Variants in NOTCH1 observed in about 807,000 individuals in gnomAD.
NOTCH1 encodes the protein notch receptor 1.
NOTCH1 carries 37 observed loss-of-function variants against 254.8 expected under a neutral mutation model. The ratio of observed to expected loss-of-function variants is 0.15; its 90% CI spans 0.11 to 0.19. NOTCH1 has a LOEUF of 0.19. Among genes scored for constraint, NOTCH1 ranks in the 10% least tolerant of loss-of-function variants. NOTCH1 has a pLI of 1.00. For synonymous variants in NOTCH1, 1,731 were observed against 1,618.1 expected (o/e 1.07, Z -1.68); for missense variants, 2,972 against 3,708.6 (o/e 0.80, Z 5.16).
At chr9:136,520,008 C>A (rs950605654) in intron 4 of NOTCH1, among the ~76,000 whole-genome samples, 2 of 152,130 alleles carry the variant, frequency 1.3e-5, no homozygotes, top group African/African-American at 4.8e-5. Flanking sequence ...GGGTGGGCCC[C>A]TCGCAGCCCC....
chr9:136,544,320 G>A (rs1461836844), intron 1 of NOTCH1, among the ~76,000 whole-genome samples: 1 of 152,186 alleles, frequency 6.6e-6, no homozygotes, highest in Non-Finnish European at 1.5e-5. Flanking sequence ...CCAGAGTTCT[G>A]TAGTCAGAAA....
chr9:136,509,664 G>C (rs1401093326), intron 18 of NOTCH1, 69 bp downstream of exon 18: 2 of 1,442,832 alleles, frequency 1.4e-6, no homozygotes, highest in Non-Finnish European at 9.7e-7. Flanking sequence ...TGGTGTGCCA[G>C]GCTGCCAGCT....
intron 2 of NOTCH1, among the ~76,000 whole-genome samples, chr9:136,528,765 C>T (rs1052495284): frequency 6.6e-5 from 10 of 152,198 alleles, no homozygotes; most frequent in Admixed American, 5.2e-4. Flanking sequence ...CTGCCAATCC[C>T]GGCCCACTGT....
chr9:136,521,227 C>T (rs773993963), intron 4 of NOTCH1, among the ~76,000 whole-genome samples: 1 of 152,106 alleles, frequency 6.6e-6, no homozygotes, highest in Non-Finnish European at 1.5e-5. Flanking sequence ...CACCCTGAAA[C>T]GGCCAGACTC....
At position 136,494,762 on chromosome 9, in the gene NOTCH1, C is replaced by A. The variant is rs1050565772; in HGVS notation, c.*1309G>T. ...TGACGTCCCTCACTGGCATGACACACAACAGACTCATTCATTAAGATTTTT... is the reference window on the plus strand; with the variant it reads ...TGACGTCCCTCACTGGCATGACACAAAACAGACTCATTCATTAAGATTTTT... On this transcript the variant is annotated 3_prime_UTR_variant, in exon 34 of 34. Coordinates refer to ENST00000651671, the MANE Select transcript of NOTCH1 (RefSeq NM_017617.5). 4 of 398,640 alleles carry A rather than the reference C, an allele frequency of 1.0e-5. No individual in the cohort carries two copies. The highest frequency in any genetic ancestry group is 3.5e-5 in the East Asian group (1 of 28,226). The allele number at this position is 398,640 out of a possible 1,614,324, so 24.7% of individuals were successfully genotyped here.
chr9:136,543,886 A>G (rs1399638115), intron 2 of NOTCH1, 138 bp downstream of exon 2: 2 of 826,856 alleles, frequency 2.4e-6, no homozygotes, highest in Non-Finnish European at 4.1e-6. Flanking sequence ...TTGTCCAATA[A>G]AAGTCAGCAC....
intron 1 of NOTCH1, among the ~76,000 whole-genome samples, 178 bp from the exon 2 acceptor site, chr9:136,544,280 C>T (rs1400749210): frequency 2.6e-5 from 4 of 152,194 alleles, no homozygotes; most frequent in Admixed American, 6.5e-5. Context: ...GAAGCCCCTC[C>T]ATGAAACCAA....
intron 2 of NOTCH1, among the ~76,000 whole-genome samples, chr9:136,535,401 G>A (rs1362417656): frequency 6.6e-6 from 1 of 152,018 alleles, no homozygotes; most frequent in African/African-American, 2.4e-5. Flanking sequence ...CCTGTGAGTG[G>A]GGGGTTCAGA....
At chr9:136,518,488 G>C in intron 6 of NOTCH1, 103 bp downstream of exon 6, 1 of 1,206,956 alleles carries the variant, frequency 8.3e-7, no homozygotes, top group African/African-American at 1.5e-5. Flanking sequence ...GCCCTTTCAG[G>C]TTATCCTGGG....
Position 136,506,014 on chromosome 9 carries a change from A to G in NOTCH1, c.4015-133T>C, listed in dbSNP as rs1485426492. 1.3e-6 allele frequency: 1 copy of G among 755,918 alleles called. No homozygotes were observed. The highest frequency in any genetic ancestry group is 1.8e-5 in the South Asian group (1 of 56,216). The allele number at this position is 755,918 out of a possible 1,614,324, so 46.8% of individuals were successfully genotyped here. On this transcript the variant is annotated intron_variant, in intron 24 of 33. Coordinates refer to ENST00000651671, the MANE Select transcript of NOTCH1 (RefSeq NM_017617.5). This position sits in a 1 kb window ranked among gnomAD's most constrained non-coding sequence, Gnocchi z 4.5. The stretch of plus-strand genomic sequence containing the variant: ...GGAGGCGGCCTGCAACCTTGCCCCC[A>G]GCAGCAAAACCCTTTACACACATTC...
At chr9:136,525,877 G>A (rs892441082) in intron 2 of NOTCH1, among the ~76,000 whole-genome samples, 4 of 152,264 alleles carry the variant, frequency 2.6e-5, no homozygotes, top group African/African-American at 7.2e-5. Flanking sequence ...CCGTGACCAC[G>A]GCTTGGGTAG....
chr9:136,516,308 G>A (rs1253746877), intron 9 of NOTCH1, among the ~76,000 whole-genome samples: 1 of 152,234 alleles, frequency 6.6e-6, no homozygotes, highest in African/African-American at 2.4e-5. Context: ...TCCCACAGAA[G>A]GGGCCTTTTT....
rs1005260379 is a variant in NOTCH1, at chr9:136,507,948, C to T, written c.3510+7G>A. 1.9e-6 allele frequency: 3 copies of T among 1,612,110 alleles called. No individual in the cohort carries two copies. Among genetic ancestry groups the T allele is most frequent in the Non-Finnish European group, 2.5e-6 (3 of 1,179,794 alleles). ...GCCACAACCCTTACCCTAGGAGGGA[C>T]CCCCACCTTGCAGGAGTAGCCGCCC... is the stretch of plus-strand genomic sequence containing the variant. On this transcript the variant is annotated splice_region_variant and intron_variant, in intron 21 of 33. Coordinates refer to ENST00000651671, the MANE Select transcript of NOTCH1 (RefSeq NM_017617.5).
In NOTCH1 at chr9:136,542,605, G is replaced by A. The variant is rs139821061; in HGVS notation, c.140+1419C>T. 6.2e-3 allele frequency among the ~76,000 whole-genome samples: 921 copies of A among 148,518 alleles called. 13 individuals carry two copies. Among genetic ancestry groups the A allele is most frequent in the African/African-American group, 0.022 (863 of 40,036 alleles). ...ATTAGTGTCTGACAAAGACACAATC[G>A]GCTTTGTCCATTAAACTGCTCACAG... is the stretch of plus-strand genomic sequence containing the variant. On this transcript the variant is annotated intron_variant, in intron 2 of 33. Coordinates refer to ENST00000651671, the MANE Select transcript of NOTCH1 (RefSeq NM_017617.5).
At chr9:136,508,418 C>T (rs777450663) in intron 19 of NOTCH1, 33 bp from the exon 20 acceptor site, 32 of 1,612,646 alleles carry the variant, frequency 2.0e-5, no homozygotes, top group South Asian at 4.4e-5. Context: ...TGGGTGCCCG[C>T]GCCCCGGCCA....
At chr9:136,497,891 G>A (rs897003489) in intron 33 of NOTCH1, among the ~76,000 whole-genome samples, 2 of 152,126 alleles carry the variant, frequency 1.3e-5, no homozygotes, top group African/African-American at 4.8e-5. Context: ...CCCCAATAAG[G>A]CACAAAAGGA....
Position 136,496,190 on chromosome 9 carries a change from G to A in NOTCH1, c.7549C>T (p.Pro2517Ser), listed in dbSNP as rs2133314214. 6.2e-7 allele frequency: 1 copy of A among 1,610,286 alleles called. No homozygotes were observed. The highest frequency in any genetic ancestry group is 8.5e-7 in the Non-Finnish European group (1 of 1,179,264). The change falls in exon 34 of 34, where the codon CCT becomes TCT. Residue 2517 changes from proline to serine, a missense_variant. Transcript: ENST00000651671. ...HPFLTPSPES[P>S]DQWSSSSPHS... ...GGGGACGAGCTGGACCACTGGTCAG[G>A]GGACTCAGGGGACGGGGTGAGGAAG...
At position 136,494,638 on chromosome 9, in the gene NOTCH1, C is replaced by T. The variant is rs781724196; in HGVS notation, c.*1433G>A. 49 of 398,812 alleles carry T rather than the reference C, an allele frequency of 1.2e-4. No homozygotes were observed. The highest frequency in any genetic ancestry group is 1.9e-4 in the Non-Finnish European group (42 of 226,082). The allele number at this position is 398,812 out of a possible 1,614,324, so 24.7% of individuals were successfully genotyped here. ...CCTGGGGATGGCACCACGCGGCCCC[C>T]GTAGAGCCGGGGGAGGCTGCCCTGA... On this transcript the variant is annotated 3_prime_UTR_variant, in exon 34 of 34. Coordinates refer to ENST00000651671, the MANE Select transcript of NOTCH1 (RefSeq NM_017617.5).
intron 2 of NOTCH1, among the ~76,000 whole-genome samples, chr9:136,537,152 C>T (rs903367323): frequency 7.2e-5 from 11 of 152,182 alleles, no homozygotes; most frequent in Admixed American, 2.0e-4. Flanking sequence ...CCAGAGTGAG[C>T]GCCATCTCTT....
Sources: gnomAD v4.1 joint callset for allele counts (sites outside exome capture counted in the v4.1 genomes callset) on GRCh38, gnomAD v4.1.1 for gene constraint, Gnocchi (gnomAD v3.1) non-coding constraint, MANE v1.5 for transcripts, NCBI Gene and HGNC (gene_info 2026-07-23, HGNC 2026-07-21) for gene names.